Variants in NALF1 observed in about 807,000 individuals in gnomAD.
NALF1 encodes the protein NALCN channel auxiliary factor 1.
NALF1 carries 3 observed loss-of-function variants against 48.4 expected under a neutral mutation model. The observed-to-expected ratio is 0.06, with a 90% CI of 0.03 to 0.16. NALF1 has a LOEUF of 0.16. Among genes scored for constraint, NALF1 ranks in the 10% least tolerant of loss-of-function variants. The pLI, the probability that NALF1 is intolerant of heterozygous loss-of-function variation, is 1.00. For missense variants in NALF1, 526 were observed against 571.5 expected, an observed-to-expected ratio of 0.92 and a Z score of 0.81; for synonymous variants, 262 against 245.7, an observed-to-expected ratio of 1.07 and a Z score of -0.62.
intron 1 of NALF1, among the ~76,000 whole-genome samples, chr13:107,254,280 A>G (rs756227456): frequency 5.9e-5 from 9 of 152,136 alleles, no homozygotes; most frequent in Non-Finnish European, 1.0e-4. Context: ...AGGAATTAAT[A>G]GTCAGAATTT....
Position 107,865,748 on chromosome 13 carries a change from T to C in NALF1, c.849A>G (p.Glu283=), listed in dbSNP as rs931285018. 1.2e-6 allele frequency: 2 copies of C among 1,614,024 alleles called. No individual in the cohort carries two copies. The highest frequency in any genetic ancestry group is 1.7e-6 in the Non-Finnish European group (2 of 1,180,022). Residue 283 remains glutamate, a synonymous_variant, in exon 1 of 3, where the codon GAA becomes GAG. Coordinates refer to ENST00000375915, the MANE Select transcript of NALF1 (RefSeq NM_001080396.3). The part of the protein sequence containing the change: ...HHAQEKYEEF[E]SVLHKYLQSE... ...ACTGTAAATATTTGTGGAGCACGCT[T>C]TCAAACTCTTCGTATTTCTCCTGAG...
intron 1 of NALF1, among the ~76,000 whole-genome samples, chr13:107,237,934 A>G (rs1157091339): frequency 1.3e-5 from 2 of 152,200 alleles, no homozygotes; most frequent in Admixed American, 1.3e-4. Context: ...TTTAATATAC[A>G]CATCCTGGAG....
At chr13:107,635,458 C>T (rs1566424290) in intron 1 of NALF1, among the ~76,000 whole-genome samples, 1 of 74,968 alleles carries the variant, frequency 1.3e-5, no homozygotes, top group African/African-American at 3.6e-5. Context: ...CACTGGGCCC[C>T]TCTCATGACA....
intron 1 of NALF1, among the ~76,000 whole-genome samples, chr13:107,289,387 C>T (rs1881570040): frequency 6.6e-6 from 1 of 152,116 alleles, no homozygotes; most frequent in Admixed American, 6.5e-5. Context: ...GTACCTGGCA[C>T]AAAATAGATG....
chr13:107,834,951 G>A (rs369331951), intron 1 of NALF1, among the ~76,000 whole-genome samples: 6 of 152,088 alleles, frequency 3.9e-5, no homozygotes, highest in African/African-American at 1.2e-4. Flanking sequence ...GCTCACTCAC[G>A]GGAGACACGT....
chr13:107,590,385 T>C (rs775742759), intron 1 of NALF1, among the ~76,000 whole-genome samples: 2 of 152,068 alleles, frequency 1.3e-5, no homozygotes, highest in South Asian at 2.1e-4. Flanking sequence ...TTGTGAGATA[T>C]TGTATTGCCT....
intron 1 of NALF1, among the ~76,000 whole-genome samples, chr13:107,462,766 G>A (rs1433325967): frequency 6.6e-6 from 1 of 152,242 alleles, no homozygotes; most frequent in East Asian, 1.9e-4. Flanking sequence ...TTGTCTCACT[G>A]CATTGCTGAG....
intron 1 of NALF1, among the ~76,000 whole-genome samples, chr13:107,346,728 T>A (rs1405511977): frequency 6.6e-6 from 1 of 152,242 alleles, no homozygotes; most frequent in Non-Finnish European, 1.5e-5. Flanking sequence ...TACTGTACTA[T>A]TAAAAACTGC....
At chr13:107,405,013 T>C (rs951425626) in intron 1 of NALF1, among the ~76,000 whole-genome samples, 1 of 152,130 alleles carries the variant, frequency 6.6e-6, no homozygotes, top group Non-Finnish European at 1.5e-5. Flanking sequence ...GCATATTCTA[T>C]GCAGTTTTTA....
At chr13:107,349,739 CAA>C (rs35813555) in intron 1 of NALF1, among the ~76,000 whole-genome samples, 26 of 99,184 alleles carry the variant, frequency 2.6e-4, no homozygotes, top group Non-Finnish European at 3.2e-4. Flanking sequence ...GAATACGTCT[CAA>C]AAAAAAAAAA....
chr13:107,445,979 G>A (rs539493848), intron 1 of NALF1, among the ~76,000 whole-genome samples: 48 of 151,598 alleles, frequency 3.2e-4, no homozygotes, highest in African/African-American at 9.0e-4. Context: ...TCGCTTTGTC[G>A]TCAGGCTGGA....
At chr13:107,706,999 T>G (rs1875395405) in intron 1 of NALF1, among the ~76,000 whole-genome samples, 1 of 131,268 alleles carries the variant, frequency 7.6e-6, no homozygotes. Flanking sequence ...CTCGGCTCAC[T>G]GCAAGCTCCG....
intron 1 of NALF1, among the ~76,000 whole-genome samples, chr13:107,641,793 C>A (rs1305357729): frequency 6.6e-6 from 1 of 152,100 alleles, no homozygotes; most frequent in African/African-American, 2.4e-5. Flanking sequence ...CAGGAGCAAG[C>A]GAGATCAAGA....
intron 1 of NALF1, among the ~76,000 whole-genome samples, chr13:107,365,305 T>G (rs1359133769): frequency 1.3e-5 from 2 of 151,950 alleles, no homozygotes; most frequent in African/African-American, 4.8e-5. Flanking sequence ...AGGGAAAACA[T>G]GAATGGGTGG....
chr13:107,658,005 G>GA lies in NALF1; in HGVS notation c.915+207676dup, dbSNP rs1014031264. On this transcript the variant is annotated intron_variant, in intron 1 of 2. Coordinates refer to ENST00000375915, the MANE Select transcript of NALF1 (RefSeq NM_001080396.3). ...AAAATTTTCCTGGGTGTACATGTTCGAGACATTAGTTATTTTTGGAGGCAC... is the reference window on the plus strand; with the variant it reads ...AAAATTTTCCTGGGTGTACATGTTCGAAGACATTAGTTATTTTTGGAGGCAC... Among the ~76,000 whole-genome samples the GA allele has an allele frequency of 4.1e-4, 62 of 152,188 alleles. 1 individual carries two copies. The highest frequency in any genetic ancestry group is 1.3e-3 in the African/African-American group (56 of 41,528).
At chr13:107,232,710 GA>G (rs1880253304) in intron 1 of NALF1, among the ~76,000 whole-genome samples, 1 of 152,204 alleles carries the variant, frequency 6.6e-6, no homozygotes, top group African/African-American at 2.4e-5. Context: ...GGAAGACTCA[GA>G]AACAGGGAGC....
chr13:107,762,417 A>C (rs1877288815), intron 1 of NALF1, among the ~76,000 whole-genome samples: 1 of 152,028 alleles, frequency 6.6e-6, no homozygotes, highest in Non-Finnish European at 1.5e-5. Flanking sequence ...CCTAGAACTT[A>C]AAGTATAATT....
At chr13:107,232,537 T>C (rs1315021691) in intron 1 of NALF1, among the ~76,000 whole-genome samples, 5 of 152,190 alleles carry the variant, frequency 3.3e-5, no homozygotes, top group Non-Finnish European at 7.4e-5. Context: ...TAGCCAATCC[T>C]TTAAGAACTG....
chr13:107,304,029 T>C (rs1239776931), intron 1 of NALF1, among the ~76,000 whole-genome samples: 1 of 152,190 alleles, frequency 6.6e-6, no homozygotes, highest in African/African-American at 2.4e-5. Flanking sequence ...CTTCTGATCA[T>C]ATCATTTGAA....
Sources: gnomAD v4.1 joint callset for allele counts (sites outside exome capture counted in the v4.1 genomes callset) on GRCh38, gnomAD v4.1.1 for gene constraint, MANE v1.5 for transcripts, NCBI Gene and HGNC (gene_info 2026-07-23, HGNC 2026-07-21) for gene names.